THSD7B: variants seen among roughly 807,000 people sequenced by gnomAD.
THSD7B encodes the protein thrombospondin type-1 domain-containing protein 7B.
In THSD7B, 138 loss-of-function variants were observed where a neutral mutation model predicts 213.6. That is an observed-to-expected ratio of 0.65 (90% CI 0.56 to 0.74). THSD7B has a LOEUF of 0.74. Ranked by LOEUF, THSD7B falls within the 30% of genes least tolerant of loss-of-function variation. The pLI, the probability that THSD7B is intolerant of heterozygous loss-of-function variation, is 0.00. For missense variants in THSD7B, 1,931 were observed against 1,991.5 expected, an observed-to-expected ratio of 0.97 and a Z score of 0.58; for synonymous variants, 742 against 687.0, an observed-to-expected ratio of 1.08 and a Z score of -1.25.
At chr2:136,938,564 A>G (rs1684770079) in intron 2 of THSD7B, among the ~76,000 whole-genome samples, 1 of 152,056 alleles carries the variant, frequency 6.6e-6, no homozygotes, top group African/African-American at 2.4e-5. Context: ...GCTTGTATAC[A>G]TAATATCTGA....
chr2:137,197,254 C>A (rs997700872), intron 7 of THSD7B, among the ~76,000 whole-genome samples: 1 of 152,058 alleles, frequency 6.6e-6, no homozygotes, highest in Non-Finnish European at 1.5e-5. Context: ...GTGTGAAGTT[C>A]CACTGCTTAT....
At chr2:137,462,457 C>G (rs1044958938) in intron 15 of THSD7B, among the ~76,000 whole-genome samples, 1 of 152,072 alleles carries the variant, frequency 6.6e-6, no homozygotes, top group Admixed American at 6.6e-5. Flanking sequence ...TGCTATAGTT[C>G]ACCAATGCAT....
chr2:136,779,122 A>C (rs1681672122), intron 1 of THSD7B, among the ~76,000 whole-genome samples: 1 of 151,866 alleles, frequency 6.6e-6, no homozygotes, highest in Admixed American at 6.6e-5. Flanking sequence ...ACTTGAGTAC[A>C]TTGGATCTTC....
At chr2:137,587,876 C>T (rs945312589) in intron 17 of THSD7B, among the ~76,000 whole-genome samples, 1 of 152,210 alleles carries the variant, frequency 6.6e-6, no homozygotes, top group Non-Finnish European at 1.5e-5. Context: ...CAGACAGGGA[C>T]ATTTAAGTCT....
At chr2:136,771,424 G>A (rs1681502246) in intron 1 of THSD7B, among the ~76,000 whole-genome samples, 5 of 152,078 alleles carry the variant, frequency 3.3e-5, no homozygotes. Flanking sequence ...GAAAAAATAG[G>A]ATTCCAGATA....
Position 137,170,957 on chromosome 2 carries a change from C to T in THSD7B, c.1723+19C>T. On this transcript the variant is annotated intron_variant, in intron 7 of 27. Transcript: ENST00000409968. ...GACCGCGGTATGACCCAGTGACCCA[C>T]TAGAGGTGTTAGGATGTTAAGTATC... 1.2e-6 allele frequency: 2 copies of T among 1,610,828 alleles called. No individual in the cohort carries two copies. Among genetic ancestry groups the T allele is most frequent in the Non-Finnish European group, 1.7e-6 (2 of 1,179,124 alleles).
intron 12 of THSD7B, among the ~76,000 whole-genome samples, chr2:137,398,515 A>C (rs1324970730): frequency 1.3e-5 from 2 of 150,462 alleles, no homozygotes; most frequent in South Asian, 2.1e-4. Context: ...GAGGCAGTCT[A>C]CCCGTTCTCA....
intron 15 of THSD7B, among the ~76,000 whole-genome samples, chr2:137,527,273 G>C (rs1260082904): frequency 6.6e-6 from 1 of 152,080 alleles, no homozygotes; most frequent in Non-Finnish European, 1.5e-5. Flanking sequence ...AAATTGCCTT[G>C]TAGAAATTGG....
chr2:137,535,362 G>A (rs898947513), intron 15 of THSD7B, among the ~76,000 whole-genome samples: 1 of 151,344 alleles, frequency 6.6e-6, no homozygotes, highest in Non-Finnish European at 1.5e-5. Flanking sequence ...TTATATTAAC[G>A]GTCAGTGATA....
At chr2:137,426,688 G>A (rs1573619046) in intron 14 of THSD7B, among the ~76,000 whole-genome samples, 1 of 152,106 alleles carries the variant, frequency 6.6e-6, no homozygotes, top group Non-Finnish European at 1.5e-5. Flanking sequence ...AAGACTTGAA[G>A]CAATAAAACT....
chr2:136,804,315 A>C (rs927799192), intron 1 of THSD7B, among the ~76,000 whole-genome samples: 3 of 152,072 alleles, frequency 2.0e-5, no homozygotes, highest in Non-Finnish European at 4.4e-5. Flanking sequence ...GTCTATATAG[A>C]GGTTGAAACT....
intron 4 of THSD7B, among the ~76,000 whole-genome samples, chr2:137,103,297 A>C (rs369205932): frequency 6.6e-6 from 1 of 152,334 alleles, no homozygotes. Flanking sequence ...TTCATAAGTG[A>C]GGGAGAAATA....
chr2:137,587,791 A>C (rs1681770957), intron 17 of THSD7B, among the ~76,000 whole-genome samples: 1 of 152,158 alleles, frequency 6.6e-6, no homozygotes, highest in Non-Finnish European at 1.5e-5. Context: ...TCATGGACCC[A>C]CTTTAGGAGG....
intron 12 of THSD7B, among the ~76,000 whole-genome samples, chr2:137,322,877 T>C (rs940604423): frequency 6.6e-6 from 1 of 152,196 alleles, no homozygotes; most frequent in Admixed American, 6.5e-5. Flanking sequence ...TTTAATGGTA[T>C]AGAGGGACAT....
At chr2:137,370,192 T>A (rs1222030313) in intron 12 of THSD7B, among the ~76,000 whole-genome samples, 1 of 152,178 alleles carries the variant, frequency 6.6e-6, no homozygotes, top group Non-Finnish European at 1.5e-5. Context: ...TTCGTATACT[T>A]GTGAAAGTAT....
At chr2:137,013,055 C>T (rs919957551) in intron 2 of THSD7B, among the ~76,000 whole-genome samples, 1 of 151,922 alleles carries the variant, frequency 6.6e-6, no homozygotes, top group Non-Finnish European at 1.5e-5. Flanking sequence ...TTCAGGTGAA[C>T]AAGACTATGA....
At chr2:137,006,229 T>TA (rs970848669) in intron 2 of THSD7B, among the ~76,000 whole-genome samples, 16 of 151,976 alleles carry the variant, frequency 1.1e-4, no homozygotes, top group African/African-American at 3.9e-4. Flanking sequence ...CCGTCTCTAC[T>TA]AAAAAATACA....
At chr2:136,907,356 TTAAG>T (rs1231411231) in intron 2 of THSD7B, among the ~76,000 whole-genome samples, 2 of 152,192 alleles carry the variant, frequency 1.3e-5, no homozygotes, top group African/African-American at 4.8e-5. Context: ...CTGTACAGAA[TTAAG>T]TAGTCACCAA....
chr2:136,907,841 T>C (rs1178541197), intron 2 of THSD7B, among the ~76,000 whole-genome samples: 1 of 152,250 alleles, frequency 6.6e-6, no homozygotes, highest in East Asian at 1.9e-4. Flanking sequence ...TTTTTTCTTC[T>C]GAAGCTGGAA....
Sources: gnomAD v4.1 joint callset for allele counts (sites outside exome capture counted in the v4.1 genomes callset) on GRCh38, gnomAD v4.1.1 for gene constraint, MANE v1.5 for transcripts, NCBI Gene and HGNC (gene_info 2026-07-23, HGNC 2026-07-21) for gene names.